Variants in PRAG1 observed in about 807,000 individuals in gnomAD.
PRAG1 encodes inactive tyrosine-protein kinase PRAG1.
PRAG1 carries 110 observed loss-of-function variants against 95.6 expected under a neutral mutation model. That is an observed-to-expected ratio of 1.15 (90% CI 0.99 to 1.35). The LOEUF (loss-of-function observed/expected upper bound fraction) is 1.35. Among genes scored for constraint, PRAG1 ranks in the 40% most tolerant of loss-of-function variants. The probability of loss-of-function intolerance (pLI) is 0.00; values close to 1 mark genes in which losing one functional copy is unlikely to be tolerated. For missense variants in PRAG1, 2,554 were observed against 1,864.7 expected (o/e 1.37, Z -6.81); for synonymous variants, 1,052 against 819.4 (o/e 1.28, Z -4.85).
At chr8:8,352,886 C>T (rs1799568899) in intron 3 of PRAG1, among the ~76,000 whole-genome samples, 1 of 151,940 alleles carries the variant, frequency 6.6e-6, no homozygotes. Flanking sequence ...ATATTCCATG[C>T]AAATAATAAC....
In PRAG1 at chr8:8,377,548, C is replaced by A. The variant is rs557157220; in HGVS notation, c.861G>T (p.Thr287=). ...GRHGGRDCSP[T]CWEQGKCSGP... ...CGGAACACTTCCCCTGCTCCCAGCA[C>A]GTGGGTGAGCAGTCCCTGCCACCAT... The change falls in exon 3 of 6, where the codon ACG becomes ACT. Residue 287 remains threonine, a synonymous_variant. Transcript: ENST00000615670. 1 of 1,600,036 alleles carries A rather than the reference C, an allele frequency of 6.2e-7. No homozygotes were observed.
In PRAG1 at chr8:8,333,122, A is replaced by T. The variant is rs192710495; in HGVS notation, c.2321-4661T>A. On this transcript the variant is annotated intron_variant, in intron 4 of 5. Coordinates refer to ENST00000615670, the MANE Select transcript of PRAG1 (RefSeq NM_001080826.3). ...CATCCTGGTTTGATGCTGGTGTTGG[A>T]TTGCTGTTTCCAAATTCTGCCTTAC... is the stretch of plus-strand genomic sequence containing the variant. Among the ~76,000 whole-genome samples the T allele has an allele frequency of 3.8e-3, 584 of 152,324 alleles. 14 individuals carry two copies. In the South Asian group the frequency reaches 0.061, roughly 16 times the overall value.
At chr8:8,340,515 T>A (rs766611425) in intron 3 of PRAG1, among the ~76,000 whole-genome samples, 1 of 152,258 alleles carries the variant, frequency 6.6e-6, no homozygotes, top group Non-Finnish European at 1.5e-5. Flanking sequence ...TTGTCTGAAC[T>A]GATATTTCCT....
At chr8:8,328,748 CCAAA>C (rs1430905964) in intron 4 of PRAG1, among the ~76,000 whole-genome samples, 1 of 152,082 alleles carries the variant, frequency 6.6e-6, no homozygotes, top group African/African-American at 2.4e-5. Context: ...CTCCAACAAT[CCAAA>C]CAAATGCGTG....
At chr8:8,363,088 CGT>C (rs938777527) in intron 3 of PRAG1, among the ~76,000 whole-genome samples, 2 of 147,122 alleles carry the variant, frequency 1.4e-5, no homozygotes, top group African/African-American at 4.9e-5. Context: ...TATATGTGTG[CGT>C]GTGTATATAT....
chr8:8,377,141 G>A lies in PRAG1; in HGVS notation c.1268C>T (p.Ala423Val). The A allele has an allele frequency of 6.2e-7, 1 of 1,612,478 alleles. No homozygotes were observed. The highest frequency in any genetic ancestry group is 1.1e-5 in the South Asian group (1 of 91,086). ...GGCCTGTGACTTGGAAGGCACCGGA[G>A]CTGCCTTCTTCCTCTTGGTGCTCTC... The part of the protein sequence containing the change: ...YAESTKRKKA[A>V]PVPSKSQAKI... Residue 423 changes from alanine to valine, a missense_variant, in exon 3 of 6, where the codon GCT (alanine) becomes GTT (valine). Physicochemically the swap from Ala to Val is moderately conservative, Grantham distance 64. Coordinates refer to ENST00000615670, the MANE Select transcript of PRAG1 (RefSeq NM_001080826.3).
Position 8,318,532 on chromosome 8 carries a change from G to C in PRAG1, c.3843C>G (p.Asp1281Glu), listed in dbSNP as rs373455081. 4 of 1,613,186 alleles carry C rather than the reference G, an allele frequency of 2.5e-6. No individual in the cohort carries two copies. The South Asian group carries it at 4.4e-5, about 18-fold the overall frequency. The change falls in exon 6 of 6, where the codon GAC becomes GAG. Residue 1281 changes from aspartate (D) to glutamate (E), a missense_variant. Coordinates refer to ENST00000615670, the MANE Select transcript of PRAG1 (RefSeq NM_001080826.3). The surrounding 1 kb of genome is among the most constrained non-coding windows in gnomAD (Gnocchi z 4.2). ...GCGGCGGCAGGTCCTCCTGCCGGTA[G>C]TCTCTCTCCCGCAGCTGGGCGCGCA... ...FEVRAQLRER[D>E]YRQEDLPPLP...
Position 8,327,763 on chromosome 8 carries a change from T to A in PRAG1, c.3019A>T (p.Ile1007Phe). The A allele has an allele frequency of 6.2e-7, 1 of 1,614,172 alleles. No individual in the cohort carries two copies. Among genetic ancestry groups the A allele is most frequent in the Non-Finnish European group, 8.5e-7 (1 of 1,180,026 alleles). The change falls in exon 5 of 6, where the codon ATT (isoleucine) becomes TTT (phenylalanine). Residue 1007 changes from isoleucine to phenylalanine, a missense_variant. Transcript: ENST00000615670. ...TCAGAGCAGGTGGCACAGTAATAAA[T>A]GGCATCCCCCGAGTCACAGCAGGGC... The part of the protein sequence containing the change: ...NKPCCDSGDA[I>F]YYCATCSEDP...
chr8:8,366,436 C>A (rs1221109703), intron 3 of PRAG1, among the ~76,000 whole-genome samples: 1 of 151,802 alleles, frequency 6.6e-6, no homozygotes, highest in African/African-American at 2.4e-5. Flanking sequence ...GCCTCAGCCT[C>A]CTGAGTAGCT....
intron 1 of PRAG1, among the ~76,000 whole-genome samples, chr8:8,382,868 T>A (rs963175438): frequency 6.6e-6 from 1 of 152,062 alleles, no homozygotes; most frequent in Non-Finnish European, 1.5e-5. Context: ...ACGGGAGAGT[T>A]TGCCCATTCT....
At position 8,356,449 on chromosome 8, in the gene PRAG1, G is replaced by C. The variant is rs957083740; in HGVS notation, c.2163-16814C>G. On this transcript the variant is annotated intron_variant, in intron 3 of 5. Coordinates refer to ENST00000615670, the MANE Select transcript of PRAG1 (RefSeq NM_001080826.3). ...CAGCCTTGACCTCTTGGGTTCAAGT[G>C]ATCCTCCTGCCTCAGCCTCCCAAGT... 2.2e-4 allele frequency among the ~76,000 whole-genome samples: 33 copies of C among 152,186 alleles called. 1 individual carries two copies. The highest frequency in any genetic ancestry group is 2.2e-3 in the Admixed American group (33 of 15,274).
At chr8:8,349,930 T>TACAC (rs67536846) in intron 3 of PRAG1, among the ~76,000 whole-genome samples, 45,847 of 144,622 alleles carry the variant, frequency 0.32, 7,242 homozygotes, top group East Asian at 0.55. Flanking sequence ...GATAGGAAAA[T>TACAC]ACACACACAC....
rs1196731549 is a variant in PRAG1, at chr8:8,381,477, T to C, written c.271A>G (p.Met91Val). The change falls in exon 2 of 6, where the codon ATG becomes GTG. Residue 91 changes from methionine to valine, a missense_variant. Met to Val is a conservative substitution (Grantham distance 21). Transcript: ENST00000615670. Reference sequence around the variant, plus strand: ...CACACATCAGAGGCCTCGGAGCTCATCATGGTGGGCTTCACGGCAATTGTG... The same window carrying C: ...CACACATCAGAGGCCTCGGAGCTCACCATGGTGGGCTTCACGGCAATTGTG... ...KPTIAVKPTM[M>V]SSEASDVWTE... 1 of 1,614,204 alleles carries C rather than the reference T, an allele frequency of 6.2e-7. No individual in the cohort carries two copies. Among genetic ancestry groups the C allele is most frequent in the South Asian group, 1.1e-5 (1 of 91,090 alleles).
Position 8,319,140 on chromosome 8 carries a change from G to A in PRAG1, c.3235C>T (p.His1079Tyr), listed in dbSNP as rs552334176. The A allele has an allele frequency of 1.9e-6, 3 of 1,605,730 alleles. No homozygotes were observed. The highest frequency in any genetic ancestry group is 2.5e-6 in the Non-Finnish European group (3 of 1,176,586). ...CAGTCCTGCTCCTGGGCAGGGGGGT[G>A]TGTGGGCAGGGCAGGCACAGGGTCC... Reference protein sequence around the residue: ...PKDPVPALPTHPPAQEQDCVV... With the variant: ...PKDPVPALPTYPPAQEQDCVV... Residue 1079 changes from histidine (H) to tyrosine (Y), a missense_variant, in exon 6 of 6, where the codon CAC (histidine) becomes TAC (tyrosine). Physicochemically the swap from His to Tyr is moderately conservative, Grantham distance 83. Coordinates refer to ENST00000615670, the MANE Select transcript of PRAG1 (RefSeq NM_001080826.3).
At chr8:8,320,742 T>C (rs1322995114) in intron 5 of PRAG1, among the ~76,000 whole-genome samples, 1 of 152,240 alleles carries the variant, frequency 6.6e-6, no homozygotes, top group Non-Finnish European at 1.5e-5. Flanking sequence ...AGTGTTGGAA[T>C]GATGATGAAG....
Position 8,318,841 on chromosome 8 carries a change from C to T in PRAG1, c.3534G>A (p.Ala1178=), listed in dbSNP as rs1193524121. The T allele has an allele frequency of 1.4e-5, 13 of 915,194 alleles. No individual in the cohort carries two copies. The highest frequency in any genetic ancestry group is 1.5e-5 in the Non-Finnish European group (11 of 756,588). 56.7% of individuals were successfully genotyped at this position (915,194 alleles called of 1,614,324 possible). Reference sequence around the variant, plus strand: ...GCGGGGCGGCAGAGGAGCAGGGAGGCGCGGCGGCGGCGGGGGCGGGAGCCG... The same window carrying T: ...GCGGGGCGGCAGAGGAGCAGGGAGGTGCGGCGGCGGCGGGGGCGGGAGCCG... ...PAPAPAPAAA[A]PPCSSAAPPA... The change falls in exon 6 of 6, where the codon GCG becomes GCA. Residue 1178 remains alanine, a synonymous_variant. Transcript: ENST00000615670. This position sits in a 1 kb window ranked among gnomAD's most constrained non-coding sequence, Gnocchi z 4.2.
Position 8,318,071 on chromosome 8 carries a change from C to T in PRAG1, c.*83G>A. ...TATCCCAGTCATCTGTACCATTTCC[C>T]AGGGAGACATGGGTGCTTCCAAGGC... is the stretch of plus-strand genomic sequence containing the variant. On this transcript the variant is annotated 3_prime_UTR_variant, in exon 6 of 6. Transcript: ENST00000615670. The surrounding 1 kb of genome is among the most constrained non-coding windows in gnomAD (Gnocchi z 4.2). The T allele has an allele frequency of 7.2e-7, 1 of 1,382,446 alleles. No homozygotes were observed. Among genetic ancestry groups the T allele is most frequent in the Non-Finnish European group, 9.7e-7 (1 of 1,030,346 alleles). The allele number at this position is 1,382,446 out of a possible 1,614,324, so 85.6% of individuals were successfully genotyped here.
intron 3 of PRAG1, among the ~76,000 whole-genome samples, chr8:8,354,284 G>C (rs954236885): frequency 6.6e-6 from 1 of 151,792 alleles, no homozygotes; most frequent in East Asian, 1.9e-4. Context: ...AATTAAAAAC[G>C]TTCCAACGAA....
intron 3 of PRAG1, among the ~76,000 whole-genome samples, chr8:8,363,626 C>T (rs1799914318): frequency 6.6e-6 from 1 of 152,090 alleles, no homozygotes; most frequent in Admixed American, 6.5e-5. Context: ...AAAGACTTCC[C>T]TGGAGACTGA....
Sources: allele counts gnomAD v4.1 joint callset (sites outside exome capture counted in the v4.1 genomes callset), GRCh38; gene constraint gnomAD v4.1.1; non-coding constraint Gnocchi (gnomAD v3.1); transcripts MANE v1.5; gene names NCBI Gene and HGNC (gene_info 2026-07-23, HGNC 2026-07-21).